ADAMTS12: variants seen among roughly 807,000 people sequenced by gnomAD.
ADAMTS12 encodes ADAM metallopeptidase with thrombospondin type 1 motif 12.
Under a neutral mutation model 167.8 loss-of-function variants are expected in ADAMTS12, and 118 were observed. The ratio of observed to expected loss-of-function variants is 0.70; its 90% confidence interval spans 0.61 to 0.82. The LOEUF is 0.82. Ranked by LOEUF, ADAMTS12 falls within the 40% of genes least tolerant of loss-of-function variation. The probability of loss-of-function intolerance (pLI) is 0.00; values close to 1 mark genes in which losing one functional copy is unlikely to be tolerated. For synonymous variants in ADAMTS12, 704 were observed against 716.9 expected, an observed-to-expected ratio of 0.98 and a Z score of 0.29; for missense variants, 1,916 against 1,998.8, an observed-to-expected ratio of 0.96 and a Z score of 0.79.
At chr5:33,720,342 T>A (rs935359748) in intron 3 of ADAMTS12, among the ~76,000 whole-genome samples, 1 of 151,236 alleles carries the variant, frequency 6.6e-6, no homozygotes, top group African/African-American at 2.4e-5. Context: ...GTGGTTTCAT[T>A]TTCCAACTCC....
At chr5:33,762,274 C>T (rs542765641) in intron 2 of ADAMTS12, among the ~76,000 whole-genome samples, 79 of 150,080 alleles carry the variant, frequency 5.3e-4, no homozygotes, top group African/African-American at 1.9e-3. Flanking sequence ...TTTGGGAGGC[C>T]GAGGCGGGTG....
intron 19 of ADAMTS12, among the ~76,000 whole-genome samples, chr5:33,570,491 A>T (rs767217605): frequency 1.7e-4 from 26 of 152,172 alleles, no homozygotes; most frequent in Non-Finnish European, 3.5e-4. Flanking sequence ...ATATCCAGCC[A>T]AACTAAGCTT....
chr5:33,849,102 CAA>C (rs1491519162), intron 2 of ADAMTS12, among the ~76,000 whole-genome samples: 68 of 104,760 alleles, frequency 6.5e-4, no homozygotes, highest in African/African-American at 2.7e-3. Context: ...TATTGCATAG[CAA>C]TATATATATG....
chr5:33,720,511 A>G (rs1743772839), intron 3 of ADAMTS12, among the ~76,000 whole-genome samples: 1 of 152,248 alleles, frequency 6.6e-6, no homozygotes, highest in Non-Finnish European at 1.5e-5. Flanking sequence ...GTTTACATCA[A>G]TAAAGATTTG....
At chr5:33,741,368 G>A (rs1744571836) in intron 3 of ADAMTS12, among the ~76,000 whole-genome samples, 2 of 152,122 alleles carry the variant, frequency 1.3e-5, no homozygotes, top group Non-Finnish European at 2.9e-5. Flanking sequence ...TGTCCTCATG[G>A]GGGACTTTCC....
At chr5:33,610,887 T>C (rs1398615285) in intron 16 of ADAMTS12, among the ~76,000 whole-genome samples, 1 of 151,924 alleles carries the variant, frequency 6.6e-6, no homozygotes, top group African/African-American at 2.4e-5. Context: ...GCCAACATGG[T>C]GAAACCCTGT....
chr5:33,535,582 G>GGT (rs1744357187), intron 22 of ADAMTS12, among the ~76,000 whole-genome samples: 1 of 152,110 alleles, frequency 6.6e-6, no homozygotes, highest in Non-Finnish European at 1.5e-5. Context: ...TTGCCCATGG[G>GGT]GTTCACACCC....
intron 22 of ADAMTS12, among the ~76,000 whole-genome samples, chr5:33,539,073 C>CT (rs1353482786): frequency 6.6e-6 from 1 of 152,122 alleles, no homozygotes; most frequent in Non-Finnish European, 1.5e-5. Context: ...TCCGGAGTAG[C>CT]TGGGATTACA....
At chr5:33,610,546 G>A (rs1738680370) in intron 16 of ADAMTS12, among the ~76,000 whole-genome samples, 1 of 151,978 alleles carries the variant, frequency 6.6e-6, no homozygotes, top group Non-Finnish European at 1.5e-5. Flanking sequence ...ATATTCCACG[G>A]CACCCTATGA....
At chr5:33,685,902 A>C (rs1742306336) in intron 3 of ADAMTS12, among the ~76,000 whole-genome samples, 1 of 152,138 alleles carries the variant, frequency 6.6e-6, no homozygotes, top group Admixed American at 6.5e-5. Context: ...TGAATCTCAC[A>C]TGAATGTTTC....
At chr5:33,750,874 G>A (rs563334740) in intron 3 of ADAMTS12, among the ~76,000 whole-genome samples, 1 of 152,250 alleles carries the variant, frequency 6.6e-6, no homozygotes, top group African/African-American at 2.4e-5. Flanking sequence ...AGCCAAAAGA[G>A]GCTTTACTGA....
At chr5:33,888,916 T>C (rs910578169) in intron 1 of ADAMTS12, among the ~76,000 whole-genome samples, 1 of 152,226 alleles carries the variant, frequency 6.6e-6, no homozygotes, top group African/African-American at 2.4e-5. Context: ...GTTTCTATGT[T>C]TCTAGTCCCA....
At chr5:33,704,693 T>C (rs1321349880) in intron 3 of ADAMTS12, among the ~76,000 whole-genome samples, 1 of 152,232 alleles carries the variant, frequency 6.6e-6, no homozygotes, top group Non-Finnish European at 1.5e-5. Flanking sequence ...TTTAAATGGC[T>C]TCTATGTGCT....
chr5:33,680,243 G>A (rs35953152), intron 5 of ADAMTS12, among the ~76,000 whole-genome samples: 78,011 of 151,956 alleles, frequency 0.51, 20,944 homozygotes, highest in South Asian at 0.68. Context: ...CAATGTGATT[G>A]TGATGGAGTC....
At chr5:33,866,675 G>C (rs972036104) in intron 2 of ADAMTS12, among the ~76,000 whole-genome samples, 1 of 151,900 alleles carries the variant, frequency 6.6e-6, no homozygotes, top group Admixed American at 6.6e-5. Context: ...CAGAATGAGA[G>C]ACAATATTTG....
chr5:33,853,019 C>CT lies in ADAMTS12; in HGVS notation c.489+28099dup, dbSNP rs553334770. ...GGAGCAGGGGCCATGCCTCCTGCCCCTACCCCTGCCGTCCCCAGGGTGCAC... is the reference window on the plus strand; with the variant it reads ...GGAGCAGGGGCCATGCCTCCTGCCCCTTACCCCTGCCGTCCCCAGGGTGCAC... On this transcript the variant is annotated intron_variant, in intron 2 of 23. Coordinates refer to ENST00000504830, the MANE Select transcript of ADAMTS12 (RefSeq NM_030955.4). 2.3e-4 allele frequency among the ~76,000 whole-genome samples: 35 copies of CT among 152,282 alleles called. 2 individuals are homozygous for CT. In the East Asian group the frequency reaches 5.0e-3, roughly 22 times the overall value.
intron 2 of ADAMTS12, among the ~76,000 whole-genome samples, chr5:33,804,428 C>G (rs1337523375): frequency 1.3e-5 from 2 of 152,176 alleles, no homozygotes; most frequent in African/African-American, 4.8e-5. Flanking sequence ...GACCTGAGCC[C>G]AACCCTGCAT....
intron 5 of ADAMTS12, among the ~76,000 whole-genome samples, chr5:33,667,802 G>A (rs1741525520): frequency 6.6e-6 from 1 of 152,140 alleles, no homozygotes; most frequent in African/African-American, 2.4e-5. Context: ...AGTGGAACTT[G>A]GTACCAGTTA....
chr5:33,727,051 T>C (rs1579879164), intron 3 of ADAMTS12, among the ~76,000 whole-genome samples: 1 of 152,128 alleles, frequency 6.6e-6, no homozygotes, highest in African/African-American at 2.4e-5. Context: ...CAGCAGGCTC[T>C]CACAAAGCTT....
Sources: gnomAD v4.1 joint callset for allele counts (sites outside exome capture counted in the v4.1 genomes callset) on GRCh38, gnomAD v4.1.1 for gene constraint, MANE v1.5 for transcripts, NCBI Gene and HGNC (gene_info 2026-07-23, HGNC 2026-07-21) for gene names.